Variants in KHSRP observed in about 807,000 individuals in gnomAD.
KHSRP encodes the protein far upstream element-binding protein 2.
Under a neutral mutation model 94.9 loss-of-function variants are expected in KHSRP, and 13 were observed. The observed-to-expected ratio is 0.14, with a 90% CI of 0.09 to 0.22. The LOEUF (loss-of-function observed/expected upper bound fraction) is 0.22. KHSRP is among the 10% of genes least tolerant of loss of function. The pLI, the probability that KHSRP is intolerant of heterozygous loss-of-function variation, is 1.00. For missense variants in KHSRP, 710 were observed against 1,010.0 expected, an observed-to-expected ratio of 0.70 and a Z score of 4.03; for synonymous variants, 495 against 401.4, an observed-to-expected ratio of 1.23 and a Z score of -2.79.
intron 2 of KHSRP, 101 bp downstream of exon 2, chr19:6,422,239 A>T: frequency 1.3e-6 from 1 of 741,342 alleles, no homozygotes; most frequent in Non-Finnish European, 2.3e-6. Flanking sequence ...AAAAGACCAA[A>T]CAACAGTGAC....
At position 6,414,105 on chromosome 19, in the gene KHSRP, A is replaced by AT; in HGVS notation, c.*918dup. 6.9e-7 allele frequency: 1 copy of AT among 1,453,348 alleles called. No homozygotes were observed. The highest frequency in any genetic ancestry group is 9.3e-7 in the Non-Finnish European group (1 of 1,078,890). 90.0% of individuals were successfully genotyped at this position (1,453,348 alleles called of 1,614,324 possible). On this transcript the variant is annotated 3_prime_UTR_variant, in exon 19 of 19. Transcript: ENST00000600480. ...TTCACAGATGAAGAAGTTCACATTC[A>AT]TTCGATTCATTGAGCCTGCGGAGAG...
chr19:6,419,111 C>T (rs988539153), intron 7 of KHSRP, 92 bp downstream of exon 7: 60 of 1,264,440 alleles, frequency 4.7e-5, no homozygotes, highest in East Asian at 2.5e-4. Context: ...GAGGACATGG[C>T]GTGCAAGTTG....
In KHSRP at chr19:6,415,903, G is replaced by C. The variant is rs1001626403; in HGVS notation, c.1599-7C>G. ...AGGAGGGGGCCCCCCGGCACTGCAGGAGAGAAGAAAGGGATGCTTGAGCAG... is the reference window on the plus strand; with the variant it reads ...AGGAGGGGGCCCCCCGGCACTGCAGCAGAGAAGAAAGGGATGCTTGAGCAG... On this transcript the variant is annotated splice_polypyrimidine_tract_variant and splice_region_variant and intron_variant, in intron 15 of 18. Transcript: ENST00000600480. The C allele has an allele frequency of 3.3e-6, 5 of 1,494,082 alleles. No homozygotes were observed. The highest frequency in any genetic ancestry group is 3.6e-6 in the Non-Finnish European group (4 of 1,119,116). The allele number at this position is 1,494,082 out of a possible 1,614,324, so 92.6% of individuals were successfully genotyped here. A position where few individuals can be genotyped will look rare whatever the true frequency, so the allele number is the denominator to read the frequency against.
chr19:6,414,177 T>A lies in KHSRP; in HGVS notation c.*847A>T. On this transcript the variant is annotated 3_prime_UTR_variant, in exon 19 of 19. Transcript: ENST00000600480. ...CTACGGGGAGGGAAGGGTGGGAGACTAGGGGGCGGAAGAGAGGAGGGGCTG... is the reference window on the plus strand; with the variant it reads ...CTACGGGGAGGGAAGGGTGGGAGACAAGGGGGCGGAAGAGAGGAGGGGCTG... 1 of 1,550,194 alleles carries A rather than the reference T, an allele frequency of 6.5e-7. No individual in the cohort carries two copies. The highest frequency in any genetic ancestry group is 1.2e-5 in the South Asian group (1 of 83,228).
intron 4 of KHSRP, 33 bp from the exon 5 acceptor site, chr19:6,420,504 A>T: frequency 6.2e-7 from 1 of 1,604,766 alleles, no homozygotes; most frequent in Non-Finnish European, 8.5e-7. Context: ...TCAGTCCTCA[A>T]GTGGGAAGGG....
intron 6 of KHSRP, among the ~76,000 whole-genome samples, chr19:6,419,798 G>A (rs8100993): frequency 6.6e-6 from 1 of 152,186 alleles, no homozygotes. Flanking sequence ...AGTGCAGTGC[G>A]TCGAAGCTCG....
chr19:6,413,332 A>C lies in KHSRP; in HGVS notation c.*1692T>G. 3.0e-6 allele frequency: 1 copy of C among 329,646 alleles called. No individual in the cohort carries two copies. 20.4% of individuals were successfully genotyped at this position (329,646 alleles called of 1,614,324 possible). On this transcript the variant is annotated 3_prime_UTR_variant, in exon 19 of 19. Coordinates refer to ENST00000600480, the MANE Select transcript of KHSRP (RefSeq NM_001366299.1). The stretch of plus-strand genomic sequence containing the variant: ...GGGAAGGAAAGGGGGGGAGACAGAC[A>C]GCACCCGCAGACGGGGAGGTTTTGT...
Position 6,414,008 on chromosome 19 carries a change from C to T in KHSRP, c.*1016G>A, listed in dbSNP as rs1476346075. The T allele has an allele frequency of 1.2e-5, 18 of 1,479,192 alleles. No individual in the cohort carries two copies. The East Asian group carries it at 2.0e-4, about 16-fold the overall frequency. The allele number at this position is 1,479,192 out of a possible 1,614,324, so 91.6% of individuals were successfully genotyped here. ...CGCGAGGGCTCCCCAGTACTCCCCA[C>T]GGCAGCCATCGCTCTCTCGCCAAAC... On this transcript the variant is annotated 3_prime_UTR_variant, in exon 19 of 19. Coordinates refer to ENST00000600480, the MANE Select transcript of KHSRP (RefSeq NM_001366299.1).
rs534229530 is a variant in KHSRP at position 6,417,020 on chromosome 19, G to A, written c.1149C>T (p.Ala383=). 59 of 1,613,720 alleles carry A rather than the reference G, an allele frequency of 3.7e-5. 1 individual carries two copies. In the South Asian group the frequency reaches 6.3e-4, roughly 17 times the overall value. ...MGPPDRCEHA[A]RIINDLLQSL... is the part of the protein sequence containing the mutation. ...TCTGGAGGAGGTCGTTGATGATCCG[G>A]GCTGCGTGCTCGCACCTGTCTGGGG... Residue 383 remains alanine, a synonymous_variant, in exon 12 of 19, where the codon GCC becomes GCT. Transcript: ENST00000600480.
In KHSRP at chr19:6,414,303, C is replaced by G. The variant is rs547743050; in HGVS notation, c.*721G>C. ...TGTCTAGCCAGGTGCTCGCGGGACT[C>G]GCTGAAGTCACGCTGCTCCCTGATG... On this transcript the variant is annotated 3_prime_UTR_variant, in exon 19 of 19. Transcript: ENST00000600480. The G allele has an allele frequency of 7.2e-7, 1 of 1,388,310 alleles. No individual in the cohort carries two copies. The highest frequency in any genetic ancestry group is 9.4e-7 in the Non-Finnish European group (1 of 1,063,684). The allele number at this position is 1,388,310 out of a possible 1,614,324, so 86.0% of individuals were successfully genotyped here.
Position 6,416,475 on chromosome 19 carries a change from C to G in KHSRP, c.1488+15G>C, listed in dbSNP as rs1156583352. On this transcript the variant is annotated intron_variant, in intron 14 of 18. Transcript: ENST00000600480. ...GGGCTGTGAGACCAAATCCCCAGAG[C>G]CCGCCCCAACCCACCTCGATCTTTT... 1.2e-6 allele frequency: 2 copies of G among 1,612,118 alleles called. No individual in the cohort carries two copies. Among genetic ancestry groups the G allele is most frequent in the African/African-American group, 2.7e-5 (2 of 74,820 alleles).
In KHSRP at chr19:6,414,263, G is replaced by C; in HGVS notation, c.*761C>G. ...AACCTGCGCTGGCTCAGGCTGGAAG[G>C]ACGTGCTTGTTAACTGTCTAGCCAG... is the stretch of plus-strand genomic sequence containing the variant. On this transcript the variant is annotated 3_prime_UTR_variant, in exon 19 of 19. Coordinates refer to ENST00000600480, the MANE Select transcript of KHSRP (RefSeq NM_001366299.1). The C allele has an allele frequency of 6.8e-7, 1 of 1,463,302 alleles. No individual in the cohort carries two copies. The highest frequency in any genetic ancestry group is 1.4e-5 in the South Asian group (1 of 70,748). The allele number at this position is 1,463,302 out of a possible 1,614,324, so 90.6% of individuals were successfully genotyped here. A position where few individuals can be genotyped will look rare whatever the true frequency, so the allele number is the denominator to read the frequency against.
Position 6,422,388 on chromosome 19 carries a change from T to G in KHSRP, c.298A>C (p.Thr100Pro), listed in dbSNP as rs1452754047. 1 of 1,613,808 alleles carries G rather than the reference T, an allele frequency of 6.2e-7. No individual in the cohort carries two copies. Among genetic ancestry groups the G allele is most frequent in the East Asian group, 2.2e-5 (1 of 44,874 alleles). Residue 100 changes from threonine (T) to proline (P), a missense_variant, in exon 2 of 19, where the codon ACT (threonine) becomes CCT (proline). Coordinates refer to ENST00000600480, the MANE Select transcript of KHSRP (RefSeq NM_001366299.1). ...TGGCCCCCAAAACCAAAATCAGGAG[T>G]GCTGTTATTCACTGTCGTGGCAGCA... ...GDAATTVNNS[T>P]PDFGFGGQKR...
rs2092193832 is a variant in KHSRP at position 6,421,332 on chromosome 19, C to T, written c.386-15G>A. ...AGAACTGATTGCTGTAGAGAGAAAA[C>T]CCAAAGCAAAGACTGGCTTAGCTCC... is the stretch of plus-strand genomic sequence containing the variant. On this transcript the variant is annotated splice_polypyrimidine_tract_variant and intron_variant, in intron 3 of 18. Transcript: ENST00000600480. 1.9e-6 allele frequency: 3 copies of T among 1,584,178 alleles called. No homozygotes were observed. Among genetic ancestry groups the T allele is most frequent in the South Asian group, 1.2e-5 (1 of 86,572 alleles).
intron 4 of KHSRP, 30 bp downstream of exon 4, chr19:6,421,248 G>GA (rs765966688): frequency 3.8e-6 from 6 of 1,570,764 alleles, no homozygotes; most frequent in Non-Finnish European, 2.6e-6. Flanking sequence ...CAACAGACAA[G>GA]AAAGCAGTGT....
chr19:6,414,008 C>A lies in KHSRP; in HGVS notation c.*1016G>T. 9 of 1,479,300 alleles carry A rather than the reference C, an allele frequency of 6.1e-6. No individual in the cohort carries two copies. Among genetic ancestry groups the A allele is most frequent in the Non-Finnish European group, 8.1e-6 (9 of 1,108,440 alleles). The allele number at this position is 1,479,300 out of a possible 1,614,324, so 91.6% of individuals were successfully genotyped here. On this transcript the variant is annotated 3_prime_UTR_variant, in exon 19 of 19. Transcript: ENST00000600480. ...CGCGAGGGCTCCCCAGTACTCCCCA[C>A]GGCAGCCATCGCTCTCTCGCCAAAC...
At chr19:6,423,865 C>T (rs530610637) in intron 1 of KHSRP, among the ~76,000 whole-genome samples, 5 of 152,306 alleles carry the variant, frequency 3.3e-5, no homozygotes, top group Non-Finnish European at 7.3e-5. Flanking sequence ...TCCCTTCTTT[C>T]CCCCAAAGAG....
rs763139301 is a variant in KHSRP at position 6,415,872 on chromosome 19, C to T, written c.1623G>A (p.Gln541=). 3.9e-5 allele frequency: 61 copies of T among 1,549,548 alleles called. No individual in the cohort carries two copies. Among genetic ancestry groups the T allele is most frequent in the South Asian group, 1.2e-4 (10 of 81,998 alleles). ...TATTGCCCCAGCCCTGGGGTGGGTA[C>T]TGGTGAGGAGGGGGCCCCCCGGCAC... ...PPHAGGPPPH[Q]YPPQGWGNTY... is the part of the protein sequence containing the mutation. Residue 541 remains glutamine, a synonymous_variant, in exon 16 of 19, where the codon CAG becomes CAA. Coordinates refer to ENST00000600480, the MANE Select transcript of KHSRP (RefSeq NM_001366299.1).
intron 1 of KHSRP, 101 bp downstream of exon 1, chr19:6,424,352 C>T (rs1179248645): frequency 3.6e-5 from 16 of 443,994 alleles, no homozygotes; most frequent in African/African-American, 4.3e-5. Flanking sequence ...CGGCCCCGGC[C>T]CCCCTCCGCG....
Sources: gnomAD v4.1 joint callset for allele counts (sites outside exome capture counted in the v4.1 genomes callset) on GRCh38, gnomAD v4.1.1 for gene constraint, MANE v1.5 for transcripts, NCBI Gene and HGNC (gene_info 2026-07-23, HGNC 2026-07-21) for gene names.